Variants in CAPN12 observed in about 807,000 individuals in gnomAD.
The protein encoded by CAPN12 is calpain 12, also known as calpain-12.
CAPN12 carries 107 observed loss-of-function variants against 95.0 expected under a neutral mutation model. The observed-to-expected ratio is 1.13, with a 90% confidence interval of 0.96 to 1.32. CAPN12 has a LOEUF of 1.32. CAPN12 is among the 40% of genes most tolerant of loss of function. CAPN12 has a pLI of 0.00. For missense variants in CAPN12, 1,136 were observed against 997.8 expected (o/e 1.14, Z -1.87); for synonymous variants, 505 against 415.5 (o/e 1.22, Z -2.62).
In CAPN12 at chr19:38,737,176, C is replaced by T. The variant is rs1257758884; in HGVS notation, c.1342G>A (p.Val448Ile). 7 of 1,545,288 alleles carry T rather than the reference C, an allele frequency of 4.5e-6. No homozygotes were observed. The highest frequency in any genetic ancestry group is 2.0e-5 in the Admixed American group (1 of 50,750). Residue 448 changes from valine (V) to isoleucine (I), a missense_variant, in exon 10 of 21, where the codon GTT becomes ATT. Val to Ile is a conservative substitution (Grantham distance 29, BLOSUM62 3). Coordinates refer to ENST00000328867, the MANE Select transcript of CAPN12 (RefSeq NM_144691.4). ...LRAKGLTYLT[V>I]GFHVFQIPEE... ...CTCACCTGGAACACGTGGAAGCCAA[C>T]GGTGAGGTAAGTGAGGCCCTTGGCT...
At chr19:38,734,575 C>T (rs1969879409) in intron 15 of CAPN12, 186 bp from the exon 16 acceptor site, 1 of 662,598 alleles carries the variant, frequency 1.5e-6, no homozygotes, top group East Asian at 2.8e-5. Context: ...AGGGGGTGCC[C>T]AGTCTGTGCT....
Position 38,735,539 on chromosome 19 carries a change from A to G in CAPN12, c.1589T>C (p.Ile530Thr). The change falls in exon 13 of 21, where the codon ATC (isoleucine) becomes ACC (threonine). Residue 530 changes from isoleucine (I) to threonine (T), a missense_variant. Transcript: ENST00000328867. ...FSERRHTAVE[I>T]DDVISADLQS... ...CAGGTCTGCGCTGATCACGTCGTCG[A>G]TCTCCCTGCAAATTACAGATGGGAA... The G allele has an allele frequency of 1.2e-6, 2 of 1,609,198 alleles. No homozygotes were observed. Among genetic ancestry groups the G allele is most frequent in the Non-Finnish European group, 1.7e-6 (2 of 1,179,000 alleles).
chr19:38,734,872 T>C lies in CAPN12; in HGVS notation c.1687-2A>G. On this transcript the variant is annotated splice_acceptor_variant, in intron 14 of 20. Coordinates refer to ENST00000328867, the MANE Select transcript of CAPN12 (RefSeq NM_144691.4). LOFTEE classifies it high-confidence loss of function. ...CTGAGAGGCATTGAGTTCTTCCTCC[T>C]AGTCCAGGAAAGAGGGCTTGTGAGG... 2 of 1,612,602 alleles carry C rather than the reference T, an allele frequency of 1.2e-6. No homozygotes were observed. Among genetic ancestry groups the C allele is most frequent in the East Asian group, 2.2e-5 (1 of 44,880 alleles).
Position 38,744,398 on chromosome 19 carries a change from CCAG to C in CAPN12, c.-236_-234del. The C allele has an allele frequency of 6.9e-6, 4 of 581,026 alleles. No homozygotes were observed. The South Asian group carries it at 8.1e-5, about 12-fold the overall frequency. The allele number at this position is 581,026 out of a possible 1,614,324, so 36.0% of individuals were successfully genotyped here. A position where few individuals can be genotyped will look rare whatever the true frequency, so the allele number is the denominator to read the frequency against. On this transcript the variant is annotated 5_prime_UTR_variant, in exon 1 of 21. Coordinates refer to ENST00000328867, the MANE Select transcript of CAPN12 (RefSeq NM_144691.4). The stretch of plus-strand genomic sequence containing the variant: ...CAAGGTAGCAGCTTAATGGGCTTGG[CCAG>C]CAGCAGGAGAGAAGGCGGGCAGAGC...
chr19:38,731,075 C>CCCATGCCCCA (rs141208726), intron 19 of CAPN12, 32 bp downstream of exon 19: 2 of 1,587,984 alleles, frequency 1.3e-6, no homozygotes, highest in South Asian at 2.3e-5. Flanking sequence ...ACCCCTTCCC[C>CCCATGCCCCA]CCATGCCCCA....
chr19:38,742,947 G>A (rs2037986945), intron 2 of CAPN12, 86 bp downstream of exon 2: 15 of 1,246,098 alleles, frequency 1.2e-5, no homozygotes, highest in Non-Finnish European at 1.8e-5. Flanking sequence ...CAGGGGCCGG[G>A]AGTGGGTGGA....
chr19:38,738,861 C>T (rs915127523), intron 5 of CAPN12: 91 of 591,036 alleles, frequency 1.5e-4, no homozygotes, highest in Non-Finnish European at 2.4e-4. Flanking sequence ...GATGGAGGTA[C>T]GGGCTCACGC....
chr19:38,737,766 G>A, intron 8 of CAPN12, 128 bp from the exon 9 acceptor site: 1 of 1,249,228 alleles, frequency 8.0e-7, no homozygotes, highest in South Asian at 1.6e-5. Context: ...TCAGGCTCCA[G>A]AAATGAACCC....
At position 38,735,536 on chromosome 19, in the gene CAPN12, T is replaced by A; in HGVS notation, c.1592A>T (p.Asp531Val). ...CTGCAGGTCTGCGCTGATCACGTCGTCGATCTCCCTGCAAATTACAGATGG... is the reference window on the plus strand; with the variant it reads ...CTGCAGGTCTGCGCTGATCACGTCGACGATCTCCCTGCAAATTACAGATGG... ...SERRHTAVEI[D>V]DVISADLQSL... The change falls in exon 13 of 21, where the codon GAC (aspartate) becomes GTC (valine). Residue 531 changes from aspartate to valine, a missense_variant. By Grantham distance (152) the Asp-to-Val change is radical. Transcript: ENST00000328867. The A allele has an allele frequency of 6.2e-7, 1 of 1,609,880 alleles. No individual in the cohort carries two copies. Among genetic ancestry groups the A allele is most frequent in the Non-Finnish European group, 8.5e-7 (1 of 1,179,132 alleles).
chr19:38,733,413 GCTC>G (rs1233802598), intron 18 of CAPN12: 7 of 425,728 alleles, frequency 1.6e-5, no homozygotes, highest in Non-Finnish European at 3.0e-5. Flanking sequence ...TCAGATACCA[GCTC>G]CTAATCTTCC....
rs892504306 is a variant in CAPN12 at position 38,741,929 on chromosome 19, G to A, written c.427-19C>T. Reference sequence around the variant, plus strand: ...GCCAGAGCTGGTGGGAGAAGATGCAGGGCCGGACTCGGCTTCCAACCTCCA... The same window carrying A: ...GCCAGAGCTGGTGGGAGAAGATGCAAGGCCGGACTCGGCTTCCAACCTCCA... On this transcript the variant is annotated intron_variant, in intron 3 of 20. Transcript: ENST00000328867. 1.2e-6 allele frequency: 2 copies of A among 1,612,224 alleles called. No individual in the cohort carries two copies. The highest frequency in any genetic ancestry group is 1.7e-5 in the Admixed American group (1 of 59,866).
chr19:38,738,418 C>T lies in CAPN12; in HGVS notation c.890G>A (p.Ser297Asn), dbSNP rs750285541. The part of the protein sequence containing the change: ...CVEWTGAWSD[S>N]CPRWDTLPTE... ...CACACCCACCCCAGACCCATCCCAC[C>T]TGTCGCTCCAGGCCCCCGTCCACTC... Residue 297 changes from serine to asparagine, a missense_variant and splice_region_variant, in exon 7 of 21, where the codon AGC becomes AAC. Coordinates refer to ENST00000328867, the MANE Select transcript of CAPN12 (RefSeq NM_144691.4). The T allele has an allele frequency of 1.2e-6, 2 of 1,610,296 alleles. No individual in the cohort carries two copies. The highest frequency in any genetic ancestry group is 1.3e-5 in the African/African-American group (1 of 74,898).
At chr19:38,738,781 C>A in intron 5 of CAPN12, 133 bp from the exon 6 acceptor site, 1 of 730,738 alleles carries the variant, frequency 1.4e-6, no homozygotes. Flanking sequence ...GCTCAGAGAC[C>A]ATGTCAGGGT....
In CAPN12 at chr19:38,742,459, G is replaced by A. The variant is rs1357473309; in HGVS notation, c.377C>T (p.Pro126Leu). The change falls in exon 3 of 21, where the codon CCT becomes CTT. Residue 126 changes from proline (P) to leucine (L), a missense_variant. Transcript: ENST00000328867. ...GCCATGCTGGAAATCCTGTCCAGGA[G>A]GGACCACCCGGCGCAGGAGCCGGGG... ...LYPRLLRRVV[P>L]PGQDFQHGYA... The A allele has an allele frequency of 3.1e-6, 5 of 1,614,020 alleles. No homozygotes were observed. Among genetic ancestry groups the A allele is most frequent in the Non-Finnish European group, 4.2e-6 (5 of 1,179,934 alleles).
chr19:38,732,343 C>A lies in CAPN12; in HGVS notation c.1958-1120G>T, dbSNP rs951227956. On this transcript the variant is annotated intron_variant, in intron 18 of 20. Coordinates refer to ENST00000328867, the MANE Select transcript of CAPN12 (RefSeq NM_144691.4). ...CTTTGACTTGGGCTTTTTCTTTTTTCTTTTTTGAGACGGAGTCTCGCTCTG... is the reference window on the plus strand; with the variant it reads ...CTTTGACTTGGGCTTTTTCTTTTTTATTTTTTGAGACGGAGTCTCGCTCTG... 3.3e-5 allele frequency among the ~76,000 whole-genome samples: 5 copies of A among 152,156 alleles called. No homozygotes were observed. The East Asian group carries it at 9.6e-4, about 29-fold the overall frequency.
intron 3 of CAPN12, 133 bp downstream of exon 3, chr19:38,742,277 C>G: frequency 1.4e-6 from 1 of 737,566 alleles, no homozygotes; most frequent in Non-Finnish European, 2.3e-6. Flanking sequence ...TGCAGTGAGC[C>G]GAGATTGTGC....
intron 8 of CAPN12, 113 bp from the exon 9 acceptor site, chr19:38,737,751 A>G (rs1041940768): frequency 7.5e-7 from 1 of 1,337,636 alleles, no homozygotes; most frequent in African/African-American, 1.5e-5. Flanking sequence ...ATTGTCAAAT[A>G]CCCTTCAGGC....
chr19:38,738,564 G>A lies in CAPN12; in HGVS notation c.804+10C>T, dbSNP rs776448494. The A allele has an allele frequency of 6.2e-7, 1 of 1,613,980 alleles. No individual in the cohort carries two copies. The highest frequency in any genetic ancestry group is 8.5e-7 in the Non-Finnish European group (1 of 1,180,010). ...CATGGCCTGCCACCCCACCCATGGG[G>A]GACACTTACCTTGTGTGTGCCCGTG... On this transcript the variant is annotated intron_variant, in intron 6 of 20. Transcript: ENST00000328867.
Position 38,737,103 on chromosome 19 carries a change from C to CGCCCCT in CAPN12, c.1362+47_1362+52dup, listed in dbSNP as rs1273625708. 63 of 1,436,192 alleles carry CGCCCCT rather than the reference C, an allele frequency of 4.4e-5. 1 individual carries two copies. The highest frequency in any genetic ancestry group is 4.2e-4 in the Admixed American group (21 of 49,746). The allele number at this position is 1,436,192 out of a possible 1,614,324, so 89.0% of individuals were successfully genotyped here. Reference sequence around the variant, plus strand: ...CCTCCCCCGCTCCTTGGCCCGGCCCCGCCCCTCCACCCTCCGGGTTCCCTC... The same window carrying CGCCCCT: ...CCTCCCCCGCTCCTTGGCCCGGCCCCGCCCCTGCCCCTCCACCCTCCGGGTTCCCTC... On this transcript the variant is annotated intron_variant, in intron 10 of 20. Coordinates refer to ENST00000328867, the MANE Select transcript of CAPN12 (RefSeq NM_144691.4).
Sources: gnomAD v4.1 joint callset for allele counts (sites outside exome capture counted in the v4.1 genomes callset) on GRCh38, gnomAD v4.1.1 for gene constraint, MANE v1.5 for transcripts, NCBI Gene and HGNC (gene_info 2026-07-23, HGNC 2026-07-21) for gene names.